The following MTIF2 variants were observed in gnomAD, a reference collection of about 807,000 sequenced individuals.
MTIF2 encodes translation initiation factor IF-2, mitochondrial.
In MTIF2, 71 loss-of-function variants were observed where a neutral mutation model predicts 83.5. The observed-to-expected ratio is 0.85, with a 90% confidence interval of 0.70 to 1.04. MTIF2 has a LOEUF of 1.04. Ranked by LOEUF, MTIF2 falls within the 50% of genes least tolerant of loss-of-function variation. MTIF2 has a pLI of 0.00. For synonymous variants in MTIF2, 319 were observed against 287.1 expected, an observed-to-expected ratio of 1.11 and a Z score of -1.12; for missense variants, 957 against 846.5, an observed-to-expected ratio of 1.13 and a Z score of -1.62.
In MTIF2 at chr2:55,237,440, A is replaced by C; in HGVS notation, c.1871-12T>G. Reference sequence around the variant, plus strand: ...TATAGATGCCTCACCTTTAGGAAGAAGAGAACATTAATGTGCAGAAAACTA... The same window carrying C: ...TATAGATGCCTCACCTTTAGGAAGACGAGAACATTAATGTGCAGAAAACTA... On this transcript the variant is annotated splice_polypyrimidine_tract_variant and intron_variant, in intron 14 of 15. Transcript: ENST00000263629. 1 of 1,592,166 alleles carries C rather than the reference A, an allele frequency of 6.3e-7. No homozygotes were observed. Among genetic ancestry groups the C allele is most frequent in the Non-Finnish European group, 8.5e-7 (1 of 1,172,852 alleles).
intron 8 of MTIF2, among the ~76,000 whole-genome samples, chr2:55,251,936 A>G (rs1677125959): frequency 6.6e-6 from 1 of 152,114 alleles, no homozygotes; most frequent in Non-Finnish European, 1.5e-5. Context: ...TAGAATGTAT[A>G]ATTACATGTG....
intron 5 of MTIF2, among the ~76,000 whole-genome samples, chr2:55,259,683 G>A (rs1010274322): frequency 2.0e-5 from 3 of 152,200 alleles, no homozygotes; most frequent in Admixed American, 6.5e-5. Flanking sequence ...AGTGGCTCAC[G>A]CCTATAATCC....
In MTIF2 at chr2:55,236,793, T is replaced by G. The variant is rs1675852703; in HGVS notation, c.2039A>C (p.Lys680Thr). 1 of 1,606,720 alleles carries G rather than the reference T, an allele frequency of 6.2e-7. No homozygotes were observed. The highest frequency in any genetic ancestry group is 2.2e-5 in the East Asian group (1 of 44,668). ...KGSLTSLKHHKDDISIVKTGM... is the reference protein window; with the variant it reads ...KGSLTSLKHHTDDISIVKTGM... ...CGTTTTGACAATTGAAATGTCATCT[T>G]TATGGTGTTTCAATGAGGTTAATGA... Residue 680 changes from lysine to threonine, a missense_variant, in exon 16 of 16, where the codon AAA becomes ACA. By Grantham distance (78) the Lys-to-Thr change is moderately conservative (BLOSUM62 -1). Coordinates refer to ENST00000263629, the MANE Select transcript of MTIF2 (RefSeq NM_002453.3).
chr2:55,263,547 T>C, intron 4 of MTIF2, 93 bp downstream of exon 4: 2 of 926,282 alleles, frequency 2.2e-6, no homozygotes, highest in Non-Finnish European at 3.2e-6. Context: ...GAGGCGTAGG[T>C]TGCGGTGAGC....
intron 5 of MTIF2, among the ~76,000 whole-genome samples, chr2:55,256,922 C>A (rs962543339): frequency 1.1e-4 from 17 of 152,048 alleles, no homozygotes; most frequent in African/African-American, 4.1e-4. Flanking sequence ...TGGTTTTGAA[C>A]TCCTGGTCGA....
rs143374834 is a variant in MTIF2, at chr2:55,262,532, T to C, written c.220-105A>G. Reference sequence around the variant, plus strand: ...CCACAATCATAGCTACATTTCTTTCTTTTTTTTTCTTTTTTTTTTTTTTTT... The same window carrying C: ...CCACAATCATAGCTACATTTCTTTCCTTTTTTTTCTTTTTTTTTTTTTTTT... On this transcript the variant is annotated intron_variant, in intron 4 of 15. Coordinates refer to ENST00000263629, the MANE Select transcript of MTIF2 (RefSeq NM_002453.3). 2.4e-3 allele frequency: 1,015 copies of C among 426,646 alleles called. 5 individuals are homozygous for C. The highest frequency in any genetic ancestry group is 0.018 in the Middle Eastern group (36 of 2,024). The allele number at this position is 426,646 out of a possible 1,614,324, so 26.4% of individuals were successfully genotyped here. A position where few individuals can be genotyped will look rare whatever the true frequency, so the allele number is the denominator to read the frequency against.
rs763624050 is a variant in MTIF2 at position 55,263,890 on chromosome 2, A to G, written c.-7-25T>C. 6 of 1,535,020 alleles carry G rather than the reference A, an allele frequency of 3.9e-6. No individual in the cohort carries two copies. The South Asian group carries it at 6.8e-5, about 17-fold the overall frequency. ...CCTGGGGAAAAAAAAAAGGTTTTAAAATAATATTCAAATCAAGTTAGCAAA... is the reference window on the plus strand; with the variant it reads ...CCTGGGGAAAAAAAAAAGGTTTTAAGATAATATTCAAATCAAGTTAGCAAA... On this transcript the variant is annotated intron_variant, in intron 3 of 15. Coordinates refer to ENST00000263629, the MANE Select transcript of MTIF2 (RefSeq NM_002453.3).
intron 14 of MTIF2, among the ~76,000 whole-genome samples, chr2:55,237,795 C>T (rs543456652): frequency 4.0e-5 from 6 of 151,202 alleles, no homozygotes; most frequent in South Asian, 4.2e-4. Flanking sequence ...GGATTACAGG[C>T]GCCCACAACC....
At chr2:55,247,054 C>T (rs1307184671) in intron 9 of MTIF2, among the ~76,000 whole-genome samples, 3 of 152,154 alleles carry the variant, frequency 2.0e-5, no homozygotes, top group Non-Finnish European at 2.9e-5. Context: ...AATCACCTCA[C>T]TTCCCTGGAT....
chr2:55,248,961 C>T (rs1006906476), intron 9 of MTIF2, among the ~76,000 whole-genome samples: 1 of 151,994 alleles, frequency 6.6e-6, no homozygotes, highest in Non-Finnish European at 1.5e-5. Flanking sequence ...CACAGTGAGA[C>T]CCTATGTCTA....
chr2:55,240,686 CTTGT>C (rs1676242714), intron 13 of MTIF2, among the ~76,000 whole-genome samples: 1 of 152,248 alleles, frequency 6.6e-6, no homozygotes, highest in East Asian at 1.9e-4. Context: ...TGTATTGTGG[CTTGT>C]TTAACAAAGA....
intron 13 of MTIF2, among the ~76,000 whole-genome samples, chr2:55,241,708 T>C (rs900725653): frequency 3.3e-5 from 5 of 151,824 alleles, no homozygotes; most frequent in Admixed American, 6.6e-5. Flanking sequence ...CCAGGTGTGG[T>C]CGTGGGTGCC....
intron 10 of MTIF2, among the ~76,000 whole-genome samples, chr2:55,246,129 C>T (rs1573869341): frequency 6.6e-6 from 1 of 152,170 alleles, no homozygotes; most frequent in Admixed American, 6.5e-5. Context: ...AGTAGATGTA[C>T]ATGGATAGCT....
rs1220377595 is a variant in MTIF2, at chr2:55,240,114, T to C, written c.1767A>G (p.Lys589=). Residue 589 remains lysine (K), a synonymous_variant, in exon 14 of 16, where the codon AAA becomes AAG. Coordinates refer to ENST00000263629, the MANE Select transcript of MTIF2 (RefSeq NM_002453.3). ...GNVIQQSAAK[K]GVKIKLHKII... is the part of the protein sequence containing the mutation. ...TTTTGTGAAGTTTAATTTTTACTCC[T>C]TTTTTTGCAGCTGACTGTTGGATAA... The C allele has an allele frequency of 6.2e-7, 1 of 1,612,918 alleles. No homozygotes were observed.
rs1271412565 is a variant in MTIF2, at chr2:55,262,319, T to C, written c.328A>G (p.Thr110Ala). Reference protein sequence around the residue: ...EELARAMEKNTDYVYEALLNT... With the variant: ...EELARAMEKNADYVYEALLNT... ...TTTGTAAAAATATCTGACTCACCTG[T>C]GTTTTTTTCCATTGCCCTGGCCAGT... Residue 110 changes from threonine to alanine, a missense_variant, in exon 5 of 16, where the codon ACA becomes GCA. Thr to Ala is a moderately conservative substitution (Grantham distance 58). Around this residue, in one of 3 missense-constraint regions of MTIF2, gnomAD observed 733 missense variants for 648.7 expected, o/e 1.13. Coordinates refer to ENST00000263629, the MANE Select transcript of MTIF2 (RefSeq NM_002453.3). 3.1e-6 allele frequency: 5 copies of C among 1,605,512 alleles called. No homozygotes were observed. The highest frequency in any genetic ancestry group is 2.2e-5 in the East Asian group (1 of 44,778).
rs777839643 is a variant in MTIF2 at position 55,240,213 on chromosome 2, G to A, written c.1706-38C>T. 6.6e-6 allele frequency: 10 copies of A among 1,503,800 alleles called. No individual in the cohort carries two copies. The East Asian group carries it at 1.1e-4, about 17-fold the overall frequency. The allele number at this position is 1,503,800 out of a possible 1,614,324, so 93.2% of individuals were successfully genotyped here. A position where few individuals can be genotyped will look rare whatever the true frequency, so the allele number is the denominator to read the frequency against. On this transcript the variant is annotated intron_variant, in intron 13 of 15. Coordinates refer to ENST00000263629, the MANE Select transcript of MTIF2 (RefSeq NM_002453.3). ...AATATGATCAATGAAGTAGCACAAC[G>A]ATTACATTATAATCATTTATTTGTC...
intron 4 of MTIF2, 100 bp from the exon 5 acceptor site, chr2:55,262,527 CTTTCT>C (rs1168656199): frequency 5.4e-5 from 28 of 522,258 alleles, no homozygotes; most frequent in Non-Finnish European, 7.5e-5. Flanking sequence ...AGCTACATTT[CTTTCT>C]TTTTTTTTCT....
At chr2:55,244,325 T>G in intron 10 of MTIF2, 92 bp from the exon 11 acceptor site, 1 of 928,582 alleles carries the variant, frequency 1.1e-6, no homozygotes, top group South Asian at 1.6e-5. Context: ...TATAAACATG[T>G]GTATACACAA....
In MTIF2 at chr2:55,262,251, T is replaced by C. The variant is rs566036747; in HGVS notation, c.331+65A>G. ...TTAATCTTTCAATGCCTTAATCTCG[T>C]TGCAAATAAAATGCCCGGTCTTCCA... is the stretch of plus-strand genomic sequence containing the variant. On this transcript the variant is annotated intron_variant, in intron 5 of 15. Coordinates refer to ENST00000263629, the MANE Select transcript of MTIF2 (RefSeq NM_002453.3). The C allele has an allele frequency of 4.1e-5, 45 of 1,089,340 alleles. No individual in the cohort carries two copies. The South Asian group carries it at 5.4e-4, about 13-fold the overall frequency. 67.5% of individuals were successfully genotyped at this position (1,089,340 alleles called of 1,614,324 possible). A position where few individuals can be genotyped will look rare whatever the true frequency, so the allele number is the denominator to read the frequency against.
Sources: allele counts gnomAD v4.1 joint callset (sites outside exome capture counted in the v4.1 genomes callset), GRCh38; gene constraint gnomAD v4.1.1; regional missense constraint gnomAD v4.1.1; transcripts MANE v1.5; gene names NCBI Gene and HGNC (gene_info 2026-07-23, HGNC 2026-07-21).